The following PIGG variants were observed in gnomAD, a reference collection of about 807,000 sequenced individuals.
PIGG encodes the protein phosphatidylinositol glycan anchor biosynthesis class G (EMM blood group).
Under a neutral mutation model 83.2 loss-of-function variants are expected in PIGG, and 70 were observed. That is an observed-to-expected ratio of 0.84 (90% CI 0.69 to 1.03). The LOEUF is 1.03. PIGG is among the 50% of genes least tolerant of loss of function. The probability of loss-of-function intolerance (pLI) is 0.00; values close to 1 mark genes in which losing one functional copy is unlikely to be tolerated. For synonymous variants in PIGG, 532 were observed against 519.5 expected, an observed-to-expected ratio of 1.02 and a Z score of -0.33; for missense variants, 1,257 against 1,233.6, an observed-to-expected ratio of 1.02 and a Z score of -0.28.
At chr4:506,010 G>T (rs1269004745) in intron 3 of PIGG, 83 bp downstream of exon 3, 2 of 897,926 alleles carry the variant, frequency 2.2e-6, no homozygotes, top group Non-Finnish European at 3.5e-6. Context: ...AGTGAGAGAT[G>T]ATACCATTTT....
chr4:503,317 A>G (rs1477031820), intron 2 of PIGG, among the ~76,000 whole-genome samples: 1 of 150,100 alleles, frequency 6.7e-6, no homozygotes, highest in Admixed American at 6.6e-5. Flanking sequence ...CTGCTACACT[A>G]CTCTTTAAAA....
At chr4:509,817 C>T (rs547424746) in intron 5 of PIGG, among the ~76,000 whole-genome samples, 4 of 152,326 alleles carry the variant, frequency 2.6e-5, no homozygotes, top group South Asian at 2.1e-4. Flanking sequence ...TTGTAAATGC[C>T]GTGGATAGGC....
Position 521,279 on chromosome 4 carries a change from G to T in PIGG, c.1332+6G>T. The T allele has an allele frequency of 6.3e-7, 1 of 1,598,664 alleles. No homozygotes were observed. Among genetic ancestry groups the T allele is most frequent in the Non-Finnish European group, 8.6e-7 (1 of 1,166,302 alleles). ...GGACTGTCGTGGTTTTGGAGGTACAGATGCTCACACAGTCATGGCTCAGGT... is the reference window on the plus strand; with the variant it reads ...GGACTGTCGTGGTTTTGGAGGTACATATGCTCACACAGTCATGGCTCAGGT... On this transcript the variant is annotated splice_donor_region_variant and intron_variant, in intron 7 of 12. Coordinates refer to ENST00000453061, the MANE Select transcript of PIGG (RefSeq NM_001127178.3).
intron 10 of PIGG, 198 bp downstream of exon 10, chr4:527,428 C>T: frequency 7.5e-7 from 1 of 1,329,536 alleles, no homozygotes; most frequent in Non-Finnish European, 9.6e-7. Context: ...CCTCAACCAG[C>T]TGCGTTGTTA....
intron 1 of PIGG, 103 bp from the exon 2 acceptor site, chr4:500,293 C>T: frequency 1.2e-6 from 1 of 814,320 alleles, no homozygotes; most frequent in South Asian, 1.6e-5. Context: ...GTAGATATCG[C>T]AGGGTATGTG....
At chr4:525,498 C>T (rs1727321770) in intron 9 of PIGG, 1 of 284,776 alleles carries the variant, frequency 3.5e-6, no homozygotes, top group African/African-American at 2.3e-5. Flanking sequence ...AATGAGGGCA[C>T]TTCCAGTTAA....
chr4:537,221 TATGTTTCCAA>T (rs1270248912), intron 12 of PIGG: 2 of 152,124 alleles, frequency 1.3e-5, no homozygotes, highest in Non-Finnish European at 2.9e-5. Flanking sequence ...ACAGAGAAAA[TATGTTTCCAA>T]AAGGTCAAAA....
At chr4:522,865 A>T (rs1481646353) in intron 8 of PIGG, 1 of 153,226 alleles carries the variant, frequency 6.5e-6, no homozygotes, top group Non-Finnish European at 1.5e-5. Flanking sequence ...GACTGCTTTA[A>T]GTTAGTATAT....
chr4:499,276 G>T lies in PIGG; in HGVS notation c.-60G>T. On this transcript the variant is annotated 5_prime_UTR_variant, in exon 1 of 13. Coordinates refer to ENST00000453061, the MANE Select transcript of PIGG (RefSeq NM_001127178.3). Reference sequence around the variant, plus strand: ...GCGGCTACCTGGAGCCGGAAGCGCGGCTGCAGCAGGGCGAGGCTCCAGGTG... The same window carrying T: ...GCGGCTACCTGGAGCCGGAAGCGCGTCTGCAGCAGGGCGAGGCTCCAGGTG... 1.3e-6 allele frequency: 2 copies of T among 1,567,808 alleles called. No individual in the cohort carries two copies. The highest frequency in any genetic ancestry group is 1.8e-5 in the Admixed American group (1 of 56,496).
intron 9 of PIGG, among the ~76,000 whole-genome samples, chr4:526,360 C>T (rs1727602305): frequency 1.3e-5 from 2 of 152,224 alleles, no homozygotes; most frequent in Admixed American, 6.5e-5. Context: ...GAAGGGAGCC[C>T]GGCCTTCCCC....
In PIGG at chr4:530,673, G is replaced by A. The variant is rs1056486559; in HGVS notation, c.2499G>A (p.Lys833=). The change falls in exon 11 of 13, where the codon AAG becomes AAA. Residue 833 remains lysine, a synonymous_variant. Transcript: ENST00000453061. ...CTCTAATGACTAAATTCATCTGGAAGCCCCTGAGACACGATGCAGCTGAGA... is the reference window on the plus strand; with the variant it reads ...CTCTAATGACTAAATTCATCTGGAAACCCCTGAGACACGATGCAGCTGAGA... ...IQTLMTKFIW[K]PLRHDAAEIT... 1.2e-6 allele frequency: 2 copies of A among 1,613,694 alleles called. No homozygotes were observed. The highest frequency in any genetic ancestry group is 1.1e-5 in the South Asian group (1 of 91,066).
Position 523,687 on chromosome 4 carries a change from C to T in PIGG, c.1843C>T (p.His615Tyr), listed in dbSNP as rs931497827. The part of the protein sequence containing the change: ...PPCGLCVEQG[H>Y]DGATAAWQDG... Reference sequence around the variant, plus strand: ...GTGTGGCCTCTGTGTGGAACAAGGGCATGACGGGGCCACAGCAGCGTGGCA... The same window carrying T: ...GTGTGGCCTCTGTGTGGAACAAGGGTATGACGGGGCCACAGCAGCGTGGCA... Residue 615 changes from histidine to tyrosine, a missense_variant, in exon 9 of 13, where the codon CAT (histidine) becomes TAT (tyrosine). His to Tyr is a moderately conservative substitution (Grantham distance 83). Coordinates refer to ENST00000453061, the MANE Select transcript of PIGG (RefSeq NM_001127178.3). 5.6e-6 allele frequency: 9 copies of T among 1,614,222 alleles called. No homozygotes were observed. The highest frequency in any genetic ancestry group is 7.6e-6 in the Non-Finnish European group (9 of 1,180,030).
Position 523,778 on chromosome 4 carries a change from T to C in PIGG, c.1934T>C (p.Val645Ala). 6.2e-7 allele frequency: 1 copy of C among 1,613,880 alleles called. No homozygotes were observed. Among genetic ancestry groups the C allele is most frequent in the Non-Finnish European group, 8.5e-7 (1 of 1,180,022 alleles). ...KGHGSPSTSE[V>A]LRGREKWMVL... ...CACGGAAGCCCCTCTACCTCCGAAG[T>C]GCTCAGAGGCCGCGAGAAGTGGATG... is the stretch of plus-strand genomic sequence containing the variant. Residue 645 changes from valine to alanine, a missense_variant, in exon 9 of 13, where the codon GTG becomes GCG. Coordinates refer to ENST00000453061, the MANE Select transcript of PIGG (RefSeq NM_001127178.3).
chr4:538,048 G>A (rs1242115262), intron 12 of PIGG, among the ~76,000 whole-genome samples: 36 of 149,184 alleles, frequency 2.4e-4, no homozygotes, highest in African/African-American at 7.6e-4. Context: ...GACATGCAGC[G>A]GGACCCACAC....
At chr4:526,966 G>C in intron 9 of PIGG, 73 bp from the exon 10 acceptor site, 1 of 1,538,714 alleles carries the variant, frequency 6.5e-7, no homozygotes, top group South Asian at 1.2e-5. Context: ...ACCGTTCTTT[G>C]AAAGCCACTT....
chr4:500,036 C>CTTT, intron 1 of PIGG: 1 of 267,696 alleles, frequency 3.7e-6, no homozygotes, highest in Non-Finnish European at 7.2e-6. Context: ...AGCCGCTGAC[C>CTTT]ATGTAAACGC....
chr4:516,760 G>A (rs1184624336), intron 6 of PIGG, among the ~76,000 whole-genome samples: 2 of 150,792 alleles, frequency 1.3e-5, no homozygotes, highest in Admixed American at 6.6e-5. Flanking sequence ...GGAGGCTGAG[G>A]CAGGAGAATC....
intron 11 of PIGG, chr4:532,703 G>C (rs1265200505): frequency 6.6e-6 from 1 of 152,468 alleles, no homozygotes; most frequent in East Asian, 1.9e-4. Flanking sequence ...CCAAGCTGGT[G>C]AGCACCCAGC....
Position 515,856 on chromosome 4 carries a change from G to T in PIGG, c.902-117G>T. On this transcript the variant is annotated intron_variant, in intron 5 of 12. Transcript: ENST00000453061. This position sits in a 1 kb window ranked among gnomAD's most constrained non-coding sequence, Gnocchi z 4.2. ...TGATTCCTGTACGATTCTGTGTTGA[G>T]TGGTGTGAAGAGACGGATCATTTGG... 1 of 773,266 alleles carries T rather than the reference G, an allele frequency of 1.3e-6. No individual in the cohort carries two copies. The highest frequency in any genetic ancestry group is 1.6e-5 in the South Asian group (1 of 63,936). The allele number at this position is 773,266 out of a possible 1,614,324, so 47.9% of individuals were successfully genotyped here. A position where few individuals can be genotyped will look rare whatever the true frequency, so the allele number is the denominator to read the frequency against.
Sources: allele counts gnomAD v4.1 joint callset (sites outside exome capture counted in the v4.1 genomes callset), GRCh38; gene constraint gnomAD v4.1.1; non-coding constraint Gnocchi (gnomAD v3.1); transcripts MANE v1.5; gene names NCBI Gene and HGNC (gene_info 2026-07-23, HGNC 2026-07-21).